Variants in PIGN observed in about 807,000 individuals in gnomAD.
PIGN encodes phosphatidylinositol glycan anchor biosynthesis class N, also known as GPI ethanolamine phosphate transferase 1.
PIGN carries 117 observed loss-of-function variants against 125.4 expected under a neutral mutation model. The observed-to-expected ratio is 0.93, with a 90% CI of 0.80 to 1.09. The LOEUF (loss-of-function observed/expected upper bound fraction) is 1.09, where lower values mean the gene tolerates loss of function less well. Ranked by LOEUF, PIGN falls within the 50% of genes least tolerant of loss-of-function variation. The pLI, the probability that PIGN is intolerant of heterozygous loss-of-function variation, is 0.00. For missense variants in PIGN, 1,075 were observed against 1,094.9 expected, an observed-to-expected ratio of 0.98 and a Z score of 0.26; for synonymous variants, 392 against 377.8, an observed-to-expected ratio of 1.04 and a Z score of -0.44.
At chr18:62,061,126 T>C (rs1031077989) in intron 30 of PIGN, among the ~76,000 whole-genome samples, 2 of 152,198 alleles carry the variant, frequency 1.3e-5, no homozygotes, top group African/African-American at 4.8e-5. Flanking sequence ...AATTTCAGTT[T>C]GGTAAAATCT....
chr18:62,081,811 C>T (rs1020003761), intron 28 of PIGN, among the ~76,000 whole-genome samples: 3 of 151,908 alleles, frequency 2.0e-5, no homozygotes, highest in Non-Finnish European at 4.4e-5. Context: ...AAATATCCTG[C>T]AAAAATATAC....
intron 28 of PIGN, among the ~76,000 whole-genome samples, chr18:62,077,442 A>AT (rs927893761): frequency 2.0e-5 from 3 of 152,144 alleles, no homozygotes; most frequent in African/African-American, 7.2e-5. Context: ...AAAAGTTTTG[A>AT]TTTTTTAGAA....
chr18:62,041,688 T>TGTTG lies in PIGN; in HGVS notation c.*4167_*4168insCAAC, dbSNP rs2144932515. Reference sequence around the variant, plus strand: ...GTGTGTGTGTGTGTGTGTGTGTGTGTGTGTGTGTGTGTGTGTGTTTAGTAG... The same window carrying TGTTG: ...GTGTGTGTGTGTGTGTGTGTGTGTGTGTTGGTGTGTGTGTGTGTGTGTTTAGTAG... On this transcript the variant is annotated 3_prime_UTR_variant, in exon 31 of 31. Coordinates refer to ENST00000640252, the MANE Select transcript of PIGN (RefSeq NM_176787.5). 6.6e-6 allele frequency: 1 copy of TGTTG among 151,242 alleles called. No individual in the cohort carries two copies. Among genetic ancestry groups the TGTTG allele is most frequent in the East Asian group, 2.0e-4 (1 of 5,128 alleles). 9.4% of individuals were successfully genotyped at this position (151,242 alleles called of 1,614,324 possible).
chr18:62,069,402 A>G (rs936569844), intron 30 of PIGN: 1 of 152,240 alleles, frequency 6.6e-6, no homozygotes, highest in Non-Finnish European at 1.5e-5. Flanking sequence ...TCACAGCAGC[A>G]TTATTTACAA....
At chr18:62,133,675 C>T (rs1331936135) in intron 14 of PIGN, among the ~76,000 whole-genome samples, 1 of 152,084 alleles carries the variant, frequency 6.6e-6, no homozygotes, top group Non-Finnish European at 1.5e-5. Flanking sequence ...ATACATTTCT[C>T]ATTATTTTAT....
At chr18:62,135,264 T>G (rs756915406) in intron 14 of PIGN, among the ~76,000 whole-genome samples, 4 of 152,220 alleles carry the variant, frequency 2.6e-5, no homozygotes, top group Non-Finnish European at 5.9e-5. Flanking sequence ...TTCTGTTCCT[T>G]GAATTTCATA....
Position 62,045,765 on chromosome 18 carries a change from T to C in PIGN, c.*91A>G. ...CCTTACAGGAGTAGAATATACTATATATCCATATCCATCTTCTTATTGAAG... is the reference window on the plus strand; with the variant it reads ...CCTTACAGGAGTAGAATATACTATACATCCATATCCATCTTCTTATTGAAG... On this transcript the variant is annotated 3_prime_UTR_variant, in exon 31 of 31. Transcript: ENST00000640252. The C allele has an allele frequency of 8.1e-7, 1 of 1,240,100 alleles. No homozygotes were observed. The highest frequency in any genetic ancestry group is 1.2e-6 in the Non-Finnish European group (1 of 867,414). 76.8% of individuals were successfully genotyped at this position (1,240,100 alleles called of 1,614,324 possible).
chr18:62,173,454 A>C (rs75130714), intron 1 of PIGN, among the ~76,000 whole-genome samples: 13,030 of 151,656 alleles, frequency 0.086, 676 homozygotes, highest in South Asian at 0.19. Flanking sequence ...CTGGTCTTGA[A>C]CTCCTGGGCT....
intron 2 of PIGN, among the ~76,000 whole-genome samples, chr18:62,162,697 C>T (rs1395313430): frequency 6.6e-6 from 1 of 152,090 alleles, no homozygotes; most frequent in African/African-American, 2.4e-5. Context: ...TGCTATTTTG[C>T]ATCTCATAGC....
intron 15 of PIGN, 75 bp downstream of exon 15, chr18:62,114,486 C>T (rs2035010231): frequency 3.4e-6 from 3 of 885,654 alleles, no homozygotes; most frequent in Non-Finnish European, 5.5e-6. Context: ...GGCCTGCCTA[C>T]TTTGCTCTAT....
At chr18:62,021,116 C>G (rs1011076770) in intron 23 of PIGN, among the ~76,000 whole-genome samples, 1 of 152,080 alleles carries the variant, frequency 6.6e-6, no homozygotes. Flanking sequence ...TAAACATACA[C>G]CTACTAAATG....
At position 62,114,547 on chromosome 18, in the gene PIGN, G is replaced by T; in HGVS notation, c.1251+14C>A. 2 of 1,433,194 alleles carry T rather than the reference G, an allele frequency of 1.4e-6. No homozygotes were observed. Among genetic ancestry groups the T allele is most frequent in the South Asian group, 2.4e-5 (2 of 81,756 alleles). The allele number at this position is 1,433,194 out of a possible 1,614,324, so 88.8% of individuals were successfully genotyped here. On this transcript the variant is annotated intron_variant, in intron 15 of 30. Transcript: ENST00000640252. ...ATAATCAGCTATTTATGTCTATAAG[G>T]CCGGTATACTTACCACTTCATCAAA...
At position 62,146,022 on chromosome 18, in the gene PIGN, G is replaced by A. The variant is rs747992448; in HGVS notation, c.809C>T (p.Ser270Phe). 2.7e-6 allele frequency: 4 copies of A among 1,464,964 alleles called. No individual in the cohort carries two copies. The South Asian group carries it at 3.7e-5, about 14-fold the overall frequency. 90.7% of individuals were successfully genotyped at this position (1,464,964 alleles called of 1,614,324 possible). A position where few individuals can be genotyped will look rare whatever the true frequency, so the allele number is the denominator to read the frequency against. The change falls in exon 10 of 31, where the codon TCC becomes TTC. Residue 270 changes from serine to phenylalanine, a missense_variant. This residue lies in a region of PIGN where 915 missense variants were observed against 908.7 expected (regional missense o/e 1.01). Transcript: ENST00000640252. ...TSDHGMTDWG[S>F]HGAGHPSETL... Reference sequence around the variant, plus strand: ...CTCTGAAGGATGACCAGCCCCATGGGAACCTACAAATAAGATATAAAGAAT... The same window carrying A: ...CTCTGAAGGATGACCAGCCCCATGGAAACCTACAAATAAGATATAAAGAAT...
At chr18:62,184,940 T>C (rs2037842996) in intron 1 of PIGN, among the ~76,000 whole-genome samples, 1 of 152,232 alleles carries the variant, frequency 6.6e-6, no homozygotes, top group Non-Finnish European at 1.5e-5. Flanking sequence ...CTTATCCCCT[T>C]TGATAGACGA....
rs2034955334 is a variant in PIGN, at chr18:62,113,265, A to T, written c.1303T>A (p.Tyr435Asn). Residue 435 changes from tyrosine to asparagine, a missense_variant, in exon 16 of 31, where the codon TAT becomes AAT. Transcript: ENST00000640252. ...AAAAAGAATCTGTCATATGTGTGATAATAGGACAATCCTTTCAATGCAAGA... is the reference window on the plus strand; with the variant it reads ...AAAAAGAATCTGTCATATGTGTGATTATAGGACAATCCTTTCAATGCAAGA... Reference protein sequence around the residue: ...IHLALKGLSYYHTYDRFFLGV... With the variant: ...IHLALKGLSYNHTYDRFFLGV... The T allele has an allele frequency of 6.2e-7, 1 of 1,612,678 alleles. No individual in the cohort carries two copies. Among genetic ancestry groups the T allele is most frequent in the South Asian group, 1.1e-5 (1 of 90,954 alleles).
At chr18:62,137,374 C>T (rs911363020) in intron 14 of PIGN, 7 of 360,030 alleles carry the variant, frequency 1.9e-5, no homozygotes, top group African/African-American at 1.3e-4. Flanking sequence ...TGCAGACGGT[C>T]TATTCTGGGA....
chr18:62,021,652 G>T (rs1369205938), intron 23 of PIGN, among the ~76,000 whole-genome samples: 2 of 152,208 alleles, frequency 1.3e-5, no homozygotes, highest in Non-Finnish European at 2.9e-5. Flanking sequence ...GGATTTCTGT[G>T]AAGAAAACTA....
At chr18:62,071,966 C>A (rs1440465905) in intron 30 of PIGN, among the ~76,000 whole-genome samples, 1 of 143,212 alleles carries the variant, frequency 7.0e-6, no homozygotes, top group Non-Finnish European at 1.5e-5. Context: ...CTAGAAAGCA[C>A]TGTTGTCATA....
chr18:62,066,773 G>T (rs1483026456), intron 30 of PIGN, among the ~76,000 whole-genome samples: 1 of 152,132 alleles, frequency 6.6e-6, no homozygotes, highest in African/African-American at 2.4e-5. Flanking sequence ...CCCACATAAT[G>T]CCTTCAAAAT....
Sources: gnomAD v4.1 joint callset for allele counts (sites outside exome capture counted in the v4.1 genomes callset) on GRCh38, gnomAD v4.1.1 for gene constraint, gnomAD v4.1.1 regional missense constraint, MANE v1.5 for transcripts, NCBI Gene and HGNC (gene_info 2026-07-23, HGNC 2026-07-21) for gene names.